AGBL4: variants seen among roughly 807,000 people sequenced by gnomAD.
AGBL4 encodes cytosolic carboxypeptidase 6.
A neutral mutation model predicts 66.4 loss-of-function variants in AGBL4; 58 were observed. The ratio of observed to expected loss-of-function variants is 0.87; its 90% CI spans 0.71 to 1.09. The LOEUF (loss-of-function observed/expected upper bound fraction) is 1.09, where lower values mean the gene tolerates loss of function less well. Among genes scored for constraint, AGBL4 ranks in the 50% least tolerant of loss-of-function variants. The pLI is 0.00. For missense variants in AGBL4, 579 were observed against 631.0 expected (o/e 0.92, Z 0.88); for synonymous variants, 234 against 222.9 (o/e 1.05, Z -0.44).
intron 9 of AGBL4, among the ~76,000 whole-genome samples, chr1:48,615,702 C>T (rs1645307725): frequency 6.6e-6 from 1 of 152,216 alleles, no homozygotes; most frequent in Non-Finnish European, 1.5e-5. Context: ...TAGTTCTACC[C>T]TGGACCCAAA....
chr1:48,654,647 A>G (rs1422605774), intron 7 of AGBL4, among the ~76,000 whole-genome samples: 2 of 152,220 alleles, frequency 1.3e-5, no homozygotes, highest in African/African-American at 4.8e-5. Context: ...GATAGATGGC[A>G]GGAGGAAGGC....
intron 6 of AGBL4, among the ~76,000 whole-genome samples, chr1:48,852,612 C>T (rs1451655766): frequency 6.6e-6 from 1 of 152,112 alleles, no homozygotes; most frequent in African/African-American, 2.4e-5. Context: ...TTTCTTAGTC[C>T]AGCAAATAGA....
At chr1:49,478,085 AAAAGAGC>A (rs1646881900) in intron 3 of AGBL4, among the ~76,000 whole-genome samples, 1 of 152,044 alleles carries the variant, frequency 6.6e-6, no homozygotes, top group South Asian at 2.1e-4. Flanking sequence ...AAATATCTTT[AAAAGAGC>A]AAATCTAAGA....
In AGBL4 at chr1:49,595,341, G is replaced by A. The variant is rs376257850; in HGVS notation, c.282+101972C>T. Among the ~76,000 whole-genome samples, 223 of 152,066 alleles carry A rather than the reference G, an allele frequency of 1.5e-3. 1 individual carries two copies. The highest frequency in any genetic ancestry group is 4.8e-3 in the African/African-American group (197 of 41,472). On this transcript the variant is annotated intron_variant, in intron 3 of 13. Coordinates refer to ENST00000371839, the MANE Select transcript of AGBL4 (RefSeq NM_032785.4). ...CCTGACCTCGTGATCTGCCTGTCTC[G>A]GCCTCCCAAAGTGCTAGGATTACAG...
At chr1:48,550,512 A>G (rs1002555527) in intron 11 of AGBL4, among the ~76,000 whole-genome samples, 2 of 152,174 alleles carry the variant, frequency 1.3e-5, no homozygotes, top group Non-Finnish European at 2.9e-5. Context: ...CAGATAATCC[A>G]GGATAGTCTC....
intron 1 of AGBL4, among the ~76,000 whole-genome samples, chr1:49,930,468 G>T (rs1653221554): frequency 6.6e-6 from 1 of 151,816 alleles, no homozygotes; most frequent in South Asian, 2.1e-4. Context: ...ACCAAATGAA[G>T]ACATTACAAG....
At chr1:49,106,443 G>A (rs1356665824) in intron 4 of AGBL4, among the ~76,000 whole-genome samples, 1 of 152,200 alleles carries the variant, frequency 6.6e-6, no homozygotes, top group African/African-American at 2.4e-5. Flanking sequence ...GAGAAGCAGT[G>A]TGGAAGATAC....
intron 3 of AGBL4, among the ~76,000 whole-genome samples, chr1:49,655,748 A>C (rs1035376381): frequency 1.4e-4 from 21 of 152,256 alleles, no homozygotes; most frequent in African/African-American, 4.8e-4. Context: ...TCTTCAAAAA[A>C]TCAATGAATC....
intron 3 of AGBL4, among the ~76,000 whole-genome samples, chr1:49,612,184 A>T (rs925930084): frequency 6.6e-6 from 1 of 152,184 alleles, no homozygotes; most frequent in Admixed American, 6.5e-5. Flanking sequence ...CCTTTAATTT[A>T]ACACTTGGTG....
chr1:49,948,026 A>AC lies in AGBL4; in HGVS notation c.34+75736_34+75737insG, dbSNP rs1655490870. On this transcript the variant is annotated intron_variant, in intron 1 of 13. Coordinates refer to ENST00000371839, the MANE Select transcript of AGBL4 (RefSeq NM_032785.4). ...TATATATAAATATATAAATATATAT[A>AC]AATATATATACATATAAATATATAA... Among the ~76,000 whole-genome samples the AC allele has an allele frequency of 1.8e-3, 107 of 58,928 alleles. 3 individuals are homozygous for AC. The highest frequency in any genetic ancestry group is 0.014 in the African/African-American group (99 of 6,878). The allele number at this position is 58,928 out of a possible 152,430, so 38.7% of individuals were successfully genotyped here.
At chr1:49,556,755 A>C (rs1643911222) in intron 3 of AGBL4, among the ~76,000 whole-genome samples, 1 of 151,944 alleles carries the variant, frequency 6.6e-6, no homozygotes, top group African/African-American at 2.4e-5. Context: ...GCCTCGGAGC[A>C]GGGGGCGAGG....
chr1:49,779,053 A>T (rs1644270873), intron 2 of AGBL4, among the ~76,000 whole-genome samples: 1 of 152,182 alleles, frequency 6.6e-6, no homozygotes, highest in Non-Finnish European at 1.5e-5. Context: ...ATTGGTGGCT[A>T]AGAACAGAAA....
intron 2 of AGBL4, among the ~76,000 whole-genome samples, chr1:49,734,879 C>T (rs1649740697): frequency 6.6e-6 from 1 of 151,656 alleles, no homozygotes; most frequent in South Asian, 2.1e-4. Context: ...AGTATAAAGC[C>T]ACAGTAACCA....
intron 1 of AGBL4, among the ~76,000 whole-genome samples, chr1:49,914,106 A>C (rs1227367671): frequency 6.6e-6 from 1 of 151,718 alleles, no homozygotes; most frequent in Non-Finnish European, 1.5e-5. Context: ...CCATTGTTTC[A>C]CTCTCCTAAA....
intron 6 of AGBL4, among the ~76,000 whole-genome samples, chr1:48,683,737 T>G (rs528458168): frequency 6.6e-6 from 1 of 152,318 alleles, no homozygotes; most frequent in South Asian, 2.1e-4. Flanking sequence ...TGTCAGGACT[T>G]GAACCACTGA....
chr1:49,278,528 G>C (rs1644215774), intron 3 of AGBL4, among the ~76,000 whole-genome samples: 1 of 152,170 alleles, frequency 6.6e-6, no homozygotes, highest in Non-Finnish European at 1.5e-5. Flanking sequence ...TGTCAGACCA[G>C]ATGCTTGAAG....
intron 6 of AGBL4, chr1:48,817,733 G>C: frequency 3.3e-6 from 1 of 302,720 alleles, no homozygotes; most frequent in Non-Finnish European, 6.1e-6. Context: ...AGCTTCCACA[G>C]TAGCAACAGG....
chr1:50,005,198 T>C (rs1661039298), intron 1 of AGBL4, among the ~76,000 whole-genome samples: 1 of 152,128 alleles, frequency 6.6e-6, no homozygotes, highest in Non-Finnish European at 1.5e-5. Context: ...CCCAGGGATA[T>C]GATGGCTTCA....
chr1:49,880,862 G>C (rs1647224876), intron 1 of AGBL4, among the ~76,000 whole-genome samples: 1 of 152,078 alleles, frequency 6.6e-6, no homozygotes, highest in African/African-American at 2.4e-5. Context: ...TAGTCTCGTG[G>C]TGCGCCGTTT....
Sources: gnomAD v4.1 joint callset for allele counts (sites outside exome capture counted in the v4.1 genomes callset) on GRCh38, gnomAD v4.1.1 for gene constraint, MANE v1.5 for transcripts, NCBI Gene and HGNC (gene_info 2026-07-23, HGNC 2026-07-21) for gene names.